Variants in NMRK2 observed in about 807,000 individuals in gnomAD.
NMRK2 encodes NRK 2.
In NMRK2, 34 loss-of-function variants were observed where a neutral mutation model predicts 24.7. That is an observed-to-expected ratio of 1.37 (90% CI 1.05 to 1.83). The LOEUF is 1.83. NMRK2 is among the 40% of genes most tolerant of loss of function. The pLI is 0.00. For missense variants in NMRK2, 341 were observed against 315.0 expected (o/e 1.08, Z -0.62); for synonymous variants, 145 against 125.6 (o/e 1.15, Z -1.03).
At position 3,941,115 on chromosome 19, in the gene NMRK2, G is replaced by C. The variant is rs755698982; in HGVS notation, c.440G>C (p.Gly147Ala). The change falls in exon 7 of 8, where the codon GGC becomes GCC. Residue 147 changes from glycine to alanine, a missense_variant. Gly to Ala is a moderately conservative substitution (Grantham distance 60). Transcript: ENST00000168977. Reference sequence around the variant, plus strand: ...CCTGATCCCCCCGGCCTCTTCGATGGCCACGTGTGGCCCATGTACCAGAAG... The same window carrying C: ...CCTGATCCCCCCGGCCTCTTCGATGCCCACGTGTGGCCCATGTACCAGAAG... ...TVPDPPGLFD[G>A]HVWPMYQKYR... 4.4e-6 allele frequency: 7 copies of C among 1,608,746 alleles called. No individual in the cohort carries two copies. In the Admixed American group the frequency reaches 1.2e-4, roughly 27 times the overall value.
At chr19:3,940,436 C>T (rs1475354126) in intron 6 of NMRK2, among the ~76,000 whole-genome samples, 2 of 150,324 alleles carry the variant, frequency 1.3e-5, no homozygotes, top group Non-Finnish European at 3.0e-5. Flanking sequence ...GAAGTCAGTT[C>T]GAGACCAGCC....
At chr19:3,935,129 C>G (rs2039191977) in intron 2 of NMRK2, among the ~76,000 whole-genome samples, 1 of 152,014 alleles carries the variant, frequency 6.6e-6, no homozygotes, top group Admixed American at 6.6e-5. Context: ...AAGTAATCCT[C>G]CTGCCTCAGC....
chr19:3,942,296 G>A lies in NMRK2; in HGVS notation c.*23G>A, dbSNP rs1175838632. The A allele has an allele frequency of 3.2e-6, 5 of 1,570,706 alleles. No individual in the cohort carries two copies. Among genetic ancestry groups the A allele is most frequent in the East Asian group, 4.6e-5 (2 of 43,412 alleles). On this transcript the variant is annotated 3_prime_UTR_variant, in exon 8 of 8. Transcript: ENST00000168977. Reference sequence around the variant, plus strand: ...TGAGCGTTTCCCTATGGGGGTGTCTGTACGTAGGAGAGTGGAGGCCCCACT... The same window carrying A: ...TGAGCGTTTCCCTATGGGGGTGTCTATACGTAGGAGAGTGGAGGCCCCACT...
At chr19:3,942,023 T>TC (rs2039341580) in intron 7 of NMRK2, 60 bp from the exon 8 acceptor site, 3 of 1,415,390 alleles carry the variant, frequency 2.1e-6, no homozygotes, top group African/African-American at 1.4e-5. Context: ...CGTCCACTCG[T>TC]CCCCCCGTGC....
chr19:3,937,969 G>A (rs1372956168), intron 4 of NMRK2, among the ~76,000 whole-genome samples: 2 of 113,428 alleles, frequency 1.8e-5, no homozygotes, highest in Admixed American at 8.9e-5. Context: ...CTGTCCCCCC[G>A]GGGTCCACCC....
chr19:3,937,904 C>A (rs1288276485), intron 4 of NMRK2, among the ~76,000 whole-genome samples: 7 of 110,914 alleles, frequency 6.3e-5, no homozygotes, highest in East Asian at 3.1e-4. Flanking sequence ...AATGCCCGCT[C>A]CCCGTCCACT....
chr19:3,933,603 A>C lies in NMRK2; in HGVS notation c.-69A>C. On this transcript the variant is annotated 5_prime_UTR_variant, in exon 2 of 8. Coordinates refer to ENST00000168977, the MANE Select transcript of NMRK2 (RefSeq NM_170678.3). ...TCAATGAAGCCGGGACGCACTCCGG[A>C]GCGCACTGCGTGGTCGCACCCTACC... 6.7e-7 allele frequency: 1 copy of C among 1,497,706 alleles called. No homozygotes were observed. Among genetic ancestry groups the C allele is most frequent in the South Asian group, 1.2e-5 (1 of 82,240 alleles). The allele number at this position is 1,497,706 out of a possible 1,614,324, so 92.8% of individuals were successfully genotyped here.
chr19:3,934,148 T>G (rs927925624), intron 2 of NMRK2, among the ~76,000 whole-genome samples: 5 of 151,862 alleles, frequency 3.3e-5, no homozygotes, highest in African/African-American at 1.2e-4. Context: ...CTGGGGAGGC[T>G]GAGGTGGGAG....
intron 7 of NMRK2, among the ~76,000 whole-genome samples, 172 bp from the exon 8 acceptor site, chr19:3,941,911 G>T (rs1279028072): frequency 6.6e-6 from 1 of 152,098 alleles, no homozygotes; most frequent in Non-Finnish European, 1.5e-5. Context: ...AAAGTGCTAG[G>T]ATTACAGGTG....
Position 3,941,180 on chromosome 19 carries a change from A to T in NMRK2, c.502+3A>T, listed in dbSNP as rs1393517311. Reference sequence around the variant, plus strand: ...GGAGGCCAACGGTGTGGAAGTGGGTAAGCCCCTGAGCATGACCAGGCCTTG... The same window carrying T: ...GGAGGCCAACGGTGTGGAAGTGGGTTAGCCCCTGAGCATGACCAGGCCTTG... On this transcript the variant is annotated splice_donor_region_variant and intron_variant, in intron 7 of 7. Coordinates refer to ENST00000168977, the MANE Select transcript of NMRK2 (RefSeq NM_170678.3). The T allele has an allele frequency of 6.4e-7, 1 of 1,573,720 alleles. No individual in the cohort carries two copies. Among genetic ancestry groups the T allele is most frequent in the Non-Finnish European group, 8.7e-7 (1 of 1,148,870 alleles).
chr19:3,936,345 T>G (rs1219346431), intron 2 of NMRK2, among the ~76,000 whole-genome samples: 1 of 152,082 alleles, frequency 6.6e-6, no homozygotes, highest in Non-Finnish European at 1.5e-5. Context: ...GAGGTAGAGC[T>G]TGCAGTGAGC....
chr19:3,940,071 GCA>G lies in NMRK2; in HGVS notation c.395+103_395+104del, dbSNP rs1331454907. On this transcript the variant is annotated intron_variant, in intron 6 of 7. Transcript: ENST00000168977. Reference sequence around the variant, plus strand: ...CCTAGAAAATGCCACTGGGGGCTGGGCACAGTGTCTCTGGGCTGTAATCCCAG... The same window carrying G: ...CCTAGAAAATGCCACTGGGGGCTGGGCAGTGTCTCTGGGCTGTAATCCCAG... The G allele has an allele frequency of 2.4e-5, 25 of 1,024,588 alleles. No individual in the cohort carries two copies. The East Asian group carries it at 3.7e-4, about 15-fold the overall frequency. 63.5% of individuals were successfully genotyped at this position (1,024,588 alleles called of 1,614,324 possible). A position where few individuals can be genotyped will look rare whatever the true frequency, so the allele number is the denominator to read the frequency against.
In NMRK2 at chr19:3,933,687, G is replaced by A. The variant is rs777926552; in HGVS notation, c.16G>A (p.Gly6Ser). The change falls in exon 2 of 8, where the codon GGC becomes AGC. Residue 6 changes from glycine (G) to serine (S), a missense_variant. Physicochemically the swap from Gly to Ser is moderately conservative, Grantham distance 56. Transcript: ENST00000168977. Reference sequence around the variant, plus strand: ...CCGCACCGGCATGAAGCTCATCGTGGGCATCGGAGGGTGAGCGCCGGGGGA... The same window carrying A: ...CCGCACCGGCATGAAGCTCATCGTGAGCATCGGAGGGTGAGCGCCGGGGGA... MKLIV[G>S]IGGMTNGGKT... 3.4e-6 allele frequency: 5 copies of A among 1,472,476 alleles called. 1 individual carries two copies. In the South Asian group the frequency reaches 5.2e-5, roughly 15 times the overall value. The allele number at this position is 1,472,476 out of a possible 1,614,324, so 91.2% of individuals were successfully genotyped here.
chr19:3,942,268 A>G lies in NMRK2; in HGVS notation c.688A>G (p.Met230Val). The G allele has an allele frequency of 6.2e-7, 1 of 1,606,116 alleles. No homozygotes were observed. Among genetic ancestry groups the G allele is most frequent in the African/African-American group, 1.3e-5 (1 of 74,982 alleles). ...GCCTGCAGCGTCCCAGCAGGACAGCATGTGAGCGTTTCCCTATGGGGGTGT... is the reference window on the plus strand; with the variant it reads ...GCCTGCAGCGTCCCAGCAGGACAGCGTGTGAGCGTTTCCCTATGGGGGTGT... Reference protein sequence around the residue: ...ARPAASQQDSM With the variant: ...ARPAASQQDSV Residue 230 changes from methionine (M) to valine (V), a missense_variant, in exon 8 of 8, where the codon ATG (methionine) becomes GTG (valine). Transcript: ENST00000168977.
rs1179732428 is a variant in NMRK2 at position 3,942,347 on chromosome 19, G to A, written c.*74G>A. Reference sequence around the variant, plus strand: ...CCCAGTTGGGCGTCCCGGAGCTCAGGGACTGAGCCCCAAGACGCCTCTGTA... The same window carrying A: ...CCCAGTTGGGCGTCCCGGAGCTCAGAGACTGAGCCCCAAGACGCCTCTGTA... On this transcript the variant is annotated 3_prime_UTR_variant, in exon 8 of 8. Coordinates refer to ENST00000168977, the MANE Select transcript of NMRK2 (RefSeq NM_170678.3). 1.3e-5 allele frequency: 18 copies of A among 1,404,920 alleles called. No individual in the cohort carries two copies. Among genetic ancestry groups the A allele is most frequent in the Admixed American group, 2.2e-5 (1 of 44,724 alleles). The allele number at this position is 1,404,920 out of a possible 1,614,324, so 87.0% of individuals were successfully genotyped here.
chr19:3,936,217 A>G (rs2039210486), intron 2 of NMRK2, among the ~76,000 whole-genome samples: 1 of 149,978 alleles, frequency 6.7e-6, no homozygotes. Flanking sequence ...TCTCGGAAAA[A>G]AAAAAAAGAA....
intron 2 of NMRK2, among the ~76,000 whole-genome samples, chr19:3,934,865 G>C (rs1433037372): frequency 6.6e-6 from 1 of 152,128 alleles, no homozygotes; most frequent in East Asian, 1.9e-4. Flanking sequence ...TTACAGGCGT[G>C]AGCCACCGTG....
At chr19:3,934,119 A>G (rs950619001) in intron 2 of NMRK2, among the ~76,000 whole-genome samples, 3 of 152,114 alleles carry the variant, frequency 2.0e-5, no homozygotes, top group Non-Finnish European at 4.4e-5. Flanking sequence ...ACGGTGGTGC[A>G]TACCTGTAAT....
intron 5 of NMRK2, 58 bp downstream of exon 5, chr19:3,938,817 C>CTT: frequency 2.3e-6 from 1 of 430,322 alleles, no homozygotes; most frequent in Non-Finnish European, 3.6e-6. Context: ...GTATAGCCAT[C>CTT]TCTTGTTTTT....
Sources: gnomAD v4.1 joint callset for allele counts (sites outside exome capture counted in the v4.1 genomes callset) on GRCh38, gnomAD v4.1.1 for gene constraint, MANE v1.5 for transcripts, NCBI Gene and HGNC (gene_info 2026-07-23, HGNC 2026-07-21) for gene names.